The following ENG variants were observed in gnomAD, a reference collection of about 807,000 sequenced individuals.
The protein encoded by ENG is CD105 antigen.
Under a neutral mutation model 71.0 loss-of-function variants are expected in ENG, and 17 were observed. The ratio of observed to expected loss-of-function variants is 0.24; its 90% CI spans 0.16 to 0.36. The LOEUF (loss-of-function observed/expected upper bound fraction) is 0.36, where lower values mean the gene tolerates loss of function less well. Among genes scored for constraint, ENG ranks in the 10% least tolerant of loss-of-function variants. The pLI is 1.00. For synonymous variants in ENG, 360 were observed against 366.9 expected (o/e 0.98, Z 0.21); for missense variants, 749 against 868.3 (o/e 0.86, Z 1.73).
intron 1 of ENG, among the ~76,000 whole-genome samples, chr9:127,850,296 G>A (rs1831258194): frequency 6.6e-6 from 1 of 152,254 alleles, no homozygotes; most frequent in African/African-American, 2.4e-5. Context: ...TAGAGGCAAG[G>A]AGGAGCTGGC....
intron 3 of ENG, chr9:127,827,212 A>G (rs1339516621): frequency 6.4e-6 from 1 of 156,072 alleles, no homozygotes; most frequent in Non-Finnish European, 1.4e-5. Context: ...GAGAAAGGGA[A>G]GAAAGAAGAA....
rs1853994747 is a variant in ENG, at chr9:127,815,355, C to G, written c.*327G>C. On this transcript the variant is annotated 3_prime_UTR_variant, in exon 15 of 15. Coordinates refer to ENST00000373203, the MANE Select transcript of ENG (RefSeq NM_001114753.3). ...ATCTGTTTCAAGTTCTCCCTTCCTG[C>G]CCAGCTCAGTTCACCAGTGCTGGAT... The G allele has an allele frequency of 2.9e-6, 1 of 345,400 alleles. No individual in the cohort carries two copies. Among genetic ancestry groups the G allele is most frequent in the South Asian group, 4.7e-5 (1 of 21,208 alleles). The allele number at this position is 345,400 out of a possible 1,614,324, so 21.4% of individuals were successfully genotyped here.
At chr9:127,816,434 G>A (rs1830318362) in intron 13 of ENG, 1 of 371,492 alleles carries the variant, frequency 2.7e-6, no homozygotes, top group African/African-American at 2.1e-5. Flanking sequence ...CCTTTAGCAG[G>A]TAGAGAATGG....
At chr9:127,824,186 G>A (rs1297527056) in intron 8 of ENG, 118 bp downstream of exon 8, 1 of 1,440,950 alleles carries the variant, frequency 6.9e-7, no homozygotes, top group East Asian at 2.3e-5. Flanking sequence ...GGAAAACTAA[G>A]GCTTGCAGAG....
chr9:127,825,963 G>A (rs933866633), intron 4 of ENG, 103 bp from the exon 5 acceptor site: 13 of 1,460,898 alleles, frequency 8.9e-6, no homozygotes, highest in South Asian at 3.7e-5. Context: ...CAGGCAGGAC[G>A]GTGCTGCAGA....
At chr9:127,818,897 GGGGA>G in intron 10 of ENG, 65 bp from the exon 11 acceptor site, 1 of 1,435,408 alleles carries the variant, frequency 7.0e-7, no homozygotes, top group South Asian at 1.1e-5. Context: ...CGAGGGGTGT[GGGGA>G]GGAACAGGCA....
chr9:127,852,180 C>T (rs975027451), intron 1 of ENG, among the ~76,000 whole-genome samples: 3 of 152,050 alleles, frequency 2.0e-5, no homozygotes, highest in African/African-American at 7.2e-5. Flanking sequence ...TTCCAGTTAT[C>T]GGGTTTTTGT....
intron 1 of ENG, among the ~76,000 whole-genome samples, chr9:127,847,831 T>A (rs1831205929): frequency 6.6e-6 from 1 of 152,072 alleles, no homozygotes; most frequent in South Asian, 2.1e-4. Context: ...TTTCCCAGCA[T>A]CCAGCCCAGC....
intron 3 of ENG, among the ~76,000 whole-genome samples, chr9:127,829,277 G>A (rs542399877): frequency 2.6e-5 from 4 of 152,228 alleles, no homozygotes; most frequent in African/African-American, 7.2e-5. Context: ...CTGTTAACAC[G>A]TTAGGTTTTC....
chr9:127,846,258 C>T lies in ENG; in HGVS notation c.68-3013G>A, dbSNP rs540888856. Among the ~76,000 whole-genome samples, 5 of 152,278 alleles carry T rather than the reference C, an allele frequency of 3.3e-5. No individual in the cohort carries two copies. Among genetic ancestry groups the T allele is most frequent in the African/African-American group, 4.8e-5 (2 of 41,566 alleles). ...TCTCCCCACCCTCTCCTTTCCTCAT[C>T]GGTGAGCGCAGGTTCCTTGGCTGTT... On this transcript the variant is annotated intron_variant, in intron 1 of 14. Transcript: ENST00000373203. This position sits in a 1 kb window ranked among gnomAD's most constrained non-coding sequence, Gnocchi z 5.5.
chr9:127,816,135 T>C, intron 13 of ENG, 82 bp from the exon 14 acceptor site: 1 of 1,521,664 alleles, frequency 6.6e-7, no homozygotes, highest in Admixed American at 1.9e-5. Flanking sequence ...ATGTGGGCTT[T>C]GGTGCCAGCT....
intron 1 of ENG, chr9:127,847,163 G>C (rs1831186674): frequency 6.4e-6 from 1 of 155,106 alleles, no homozygotes. Context: ...CCTCACAGCA[G>C]CCTTGTGAGG....
At position 127,825,314 on chromosome 9, in the gene ENG, C is replaced by T. The variant is rs762569294; in HGVS notation, c.733G>A (p.Gly245Arg). The change falls in exon 6 of 15, where the codon GGG (glycine) becomes AGG (arginine). Residue 245 changes from glycine to arginine, a missense_variant. By Grantham distance (125) the Gly-to-Arg change is moderately radical. Coordinates refer to ENST00000373203, the MANE Select transcript of ENG (RefSeq NM_001114753.3). The stretch of plus-strand genomic sequence containing the variant: ...AGGATGAGGACGGCATCGAGATCCC[C>T]GGGTGCGCAGCTCAGTTCCACCTTC... ...TVKVELSCAP[G>R]DLDAVLILQG... is the part of the protein sequence containing the mutation. The T allele has an allele frequency of 3.3e-5, 53 of 1,611,244 alleles. No individual in the cohort carries two copies. Among genetic ancestry groups the T allele is most frequent in the Middle Eastern group, 3.3e-4 (2 of 6,054 alleles).
At chr9:127,849,273 C>G (rs1043158445) in intron 1 of ENG, among the ~76,000 whole-genome samples, 2 of 152,222 alleles carry the variant, frequency 1.3e-5, no homozygotes, top group Non-Finnish European at 2.9e-5. Context: ...CAGATGTGCT[C>G]TCGCCATTAC....
intron 1 of ENG, among the ~76,000 whole-genome samples, chr9:127,851,786 G>T (rs1221894179): frequency 6.6e-6 from 1 of 152,086 alleles, no homozygotes; most frequent in African/African-American, 2.4e-5. Context: ...GATGAGGCAG[G>T]AGAACTGCTT....
At chr9:127,829,242 T>C (rs944636091) in intron 3 of ENG, among the ~76,000 whole-genome samples, 8 of 152,248 alleles carry the variant, frequency 5.3e-5, no homozygotes, top group African/African-American at 1.9e-4. Context: ...ATGTCTCTCC[T>C]AATCCCACTT....
Position 127,826,713 on chromosome 9 carries a change from C to G in ENG, c.361-41G>C, listed in dbSNP as rs770987816. On this transcript the variant is annotated intron_variant, in intron 3 of 14. Coordinates refer to ENST00000373203, the MANE Select transcript of ENG (RefSeq NM_001114753.3). ...GAGGCTCAGCACGCTGTTCCTGGCCCTGTGCCCTCTCTATCCCATGTAGGA... is the reference window on the plus strand; with the variant it reads ...GAGGCTCAGCACGCTGTTCCTGGCCGTGTGCCCTCTCTATCCCATGTAGGA... The G allele has an allele frequency of 6.2e-6, 10 of 1,610,466 alleles. No homozygotes were observed. In the South Asian group the frequency reaches 1.1e-4, roughly 18 times the overall value.
rs990986486 is a variant in ENG at position 127,836,994 on chromosome 9, G to A, written c.219+6100C>T. Among the ~76,000 whole-genome samples, 2 of 152,084 alleles carry A rather than the reference G, an allele frequency of 1.3e-5. No individual in the cohort carries two copies. The highest frequency in any genetic ancestry group is 2.9e-5 in the Non-Finnish European group (2 of 68,020). ...GTAGAGACGGGGTTTCGCCCATGTC[G>A]GCCAGGCTGGTCTCGAACTCCTGAC... On this transcript the variant is annotated intron_variant, in intron 2 of 14. Transcript: ENST00000373203. This position sits in a 1 kb window ranked among gnomAD's most constrained non-coding sequence, Gnocchi z 4.0.
At position 127,850,613 on chromosome 9, in the gene ENG, G is replaced by A. The variant is rs557464934; in HGVS notation, c.67+3676C>T. Among the ~76,000 whole-genome samples the A allele has an allele frequency of 1.3e-5, 2 of 152,312 alleles. 1 individual carries two copies. The highest frequency in any genetic ancestry group is 4.8e-5 in the African/African-American group (2 of 41,578). On this transcript the variant is annotated intron_variant, in intron 1 of 14. Transcript: ENST00000373203. ...CAGCCTCTAAGAGACAGGTGTTTGTGGTCTCGCTCTTGCGCCACTGACCCT... is the reference window on the plus strand; with the variant it reads ...CAGCCTCTAAGAGACAGGTGTTTGTAGTCTCGCTCTTGCGCCACTGACCCT...
Sources: allele counts gnomAD v4.1 joint callset (sites outside exome capture counted in the v4.1 genomes callset), GRCh38; gene constraint gnomAD v4.1.1; non-coding constraint Gnocchi (gnomAD v3.1); transcripts MANE v1.5; gene names NCBI Gene and HGNC (gene_info 2026-07-23, HGNC 2026-07-21).